Variants in SHPK observed in about 807,000 individuals in gnomAD.
SHPK encodes the protein sedoheptulokinase, also known as carbohydrate kinase-like protein.
SHPK carries 51 observed loss-of-function variants against 46.3 expected under a neutral mutation model. That is an observed-to-expected ratio of 1.10 (90% CI 0.88 to 1.39). The LOEUF (loss-of-function observed/expected upper bound fraction) is 1.39, where lower values mean the gene tolerates loss of function less well. SHPK is among the 40% of genes most tolerant of loss of function. SHPK has a pLI of 0.00. For synonymous variants in SHPK, 290 were observed against 273.9 expected, an observed-to-expected ratio of 1.06 and a Z score of -0.58; for missense variants, 668 against 641.3, an observed-to-expected ratio of 1.04 and a Z score of -0.45.
At chr17:3,615,615 G>T (rs1361363539) in intron 5 of SHPK, 78 bp from the exon 6 acceptor site, 9 of 1,322,096 alleles carry the variant, frequency 6.8e-6, no homozygotes, top group Non-Finnish European at 9.6e-6. Flanking sequence ...CAGTGAGAGG[G>T]GGTGGCCTGT....
At chr17:3,630,926 G>T (rs1481104775) in intron 1 of SHPK, among the ~76,000 whole-genome samples, 1 of 152,122 alleles carries the variant, frequency 6.6e-6, no homozygotes, top group Non-Finnish European at 1.5e-5. Context: ...GAGAATTGTG[G>T]CTCAGCTCTC....
chr17:3,615,529 T>A lies in SHPK; in HGVS notation c.832A>T (p.Ile278Phe). Residue 278 changes from isoleucine (I) to phenylalanine (F), a missense_variant, in exon 6 of 7, where the codon ATC (isoleucine) becomes TTC (phenylalanine). By Grantham distance (21) the Ile-to-Phe change is conservative. Coordinates refer to ENST00000225519, the MANE Select transcript of SHPK (RefSeq NM_013276.4). ...GCTGCCAGCTGAACCGAGGTGCTGA[T>A]GTTGAGAACTGGGGTCCGAAGAGAG... ...MAQRTDAVLN[I>F]STSVQLAASM... The A allele has an allele frequency of 1.2e-6, 2 of 1,614,120 alleles. No homozygotes were observed. Among genetic ancestry groups the A allele is most frequent in the Non-Finnish European group, 1.7e-6 (2 of 1,179,966 alleles).
chr17:3,622,703 T>TTTC (rs1237679289), intron 4 of SHPK: 1 of 387,242 alleles, frequency 2.6e-6, no homozygotes, highest in African/African-American at 3.6e-5. Context: ...CTAGTTCTTT[T>TTTC]TTCTTTTTTT....
intron 2 of SHPK, among the ~76,000 whole-genome samples, chr17:3,629,263 G>A (rs1025127886): frequency 9.2e-5 from 14 of 152,134 alleles, no homozygotes; most frequent in Admixed American, 6.6e-4. Flanking sequence ...AATATCCGAC[G>A]AGATCATGCA....
intron 6 of SHPK, among the ~76,000 whole-genome samples, chr17:3,611,658 A>G (rs2075340704): frequency 6.6e-6 from 1 of 152,110 alleles, no homozygotes; most frequent in South Asian, 2.1e-4. Flanking sequence ...CCAATCACTG[A>G]ATGGGCCACC....
chr17:3,624,292 C>T, intron 2 of SHPK, 61 bp from the exon 3 acceptor site: 2 of 1,467,212 alleles, frequency 1.4e-6, no homozygotes, highest in East Asian at 2.3e-5. Context: ...ATGGCGCGGC[C>T]TTGATACTAC....
At chr17:3,623,542 C>G (rs768133234) in intron 3 of SHPK, 51 bp from the exon 4 acceptor site, 15 of 1,586,228 alleles carry the variant, frequency 9.5e-6, no homozygotes, top group Admixed American at 1.7e-5. Context: ...AACTCGGAAG[C>G]ATGTGCCGCA....
rs2075397657 is a variant in SHPK at position 3,621,123 on chromosome 17, C to T, written c.823+114G>A. 3.4e-6 allele frequency: 3 copies of T among 870,266 alleles called. No homozygotes were observed. The Admixed American group carries it at 9.1e-5, about 26-fold the overall frequency. The allele number at this position is 870,266 out of a possible 1,614,324, so 53.9% of individuals were successfully genotyped here. ...TTTCATCTTTACAGAATAATGATCT[C>T]CAGCAGGATGCCAAGACTGCTAAGC... On this transcript the variant is annotated intron_variant, in intron 5 of 6. Transcript: ENST00000225519.
In SHPK at chr17:3,623,352, A is replaced by G; in HGVS notation, c.634T>C (p.Trp212Arg). The G allele has an allele frequency of 6.2e-7, 1 of 1,614,196 alleles. No individual in the cohort carries two copies. The highest frequency in any genetic ancestry group is 8.5e-7 in the Non-Finnish European group (1 of 1,180,026). ...WGYFNTQSQS[W>R]NVETLRSSGF... ...TGTGATACTCACGTCTCTACGTTCC[A>G]GCTTTGGCTCTGCGTGTTGAAATAG... The change falls in exon 4 of 7, where the codon TGG (tryptophan) becomes CGG (arginine). Residue 212 changes from tryptophan (W) to arginine (R), a missense_variant. Trp to Arg is a moderately radical substitution (Grantham distance 101). Transcript: ENST00000225519.
At chr17:3,622,432 G>T in intron 4 of SHPK, 3 of 272,324 alleles carry the variant, frequency 1.1e-5, no homozygotes, top group Non-Finnish European at 1.7e-5. Context: ...GGTGAGCACA[G>T]CCCAAACCAA....
intron 2 of SHPK, among the ~76,000 whole-genome samples, chr17:3,628,911 C>G (rs1039427701): frequency 9.2e-5 from 14 of 152,146 alleles, no homozygotes; most frequent in African/African-American, 3.4e-4. Flanking sequence ...CTCGGCCTCC[C>G]AAAGTGTTGG....
chr17:3,630,486 T>C, intron 1 of SHPK, 140 bp from the exon 2 acceptor site: 21 of 882,164 alleles, frequency 2.4e-5, no homozygotes, highest in Non-Finnish European at 3.4e-5. Context: ...CTGCTGCAGG[T>C]GAGTTGCAGC....
At position 3,610,854 on chromosome 17, in the gene SHPK, C is replaced by A. The variant is rs1567680398; in HGVS notation, c.1143G>T (p.Gln381His). ...TVLGERHLPD[Q>H]LASVTRISSS... ...AGGAGATTCTGGTCACTGAGGCCAG[C>A]TGGTCCGGCAGGTGCCTCTCCCCCA... Residue 381 changes from glutamine (Q) to histidine (H), a missense_variant, in exon 7 of 7, where the codon CAG (glutamine) becomes CAT (histidine). Transcript: ENST00000225519. 1 of 1,614,094 alleles carries A rather than the reference C, an allele frequency of 6.2e-7. No individual in the cohort carries two copies. The highest frequency in any genetic ancestry group is 1.3e-5 in the African/African-American group (1 of 75,056).
At chr17:3,625,094 T>C (rs998580446) in intron 2 of SHPK, among the ~76,000 whole-genome samples, 1 of 152,200 alleles carries the variant, frequency 6.6e-6, no homozygotes, top group African/African-American at 2.4e-5. Flanking sequence ...TCAGTGTCAG[T>C]CTTTCCAGGC....
intron 6 of SHPK, 36 bp from the exon 7 acceptor site, chr17:3,611,008 C>A: frequency 6.4e-7 from 1 of 1,557,684 alleles, no homozygotes; most frequent in South Asian, 1.2e-5. Context: ...TAAGCTCATG[C>A]GTCCCCCTCA....
Position 3,610,900 on chromosome 17 carries a change from A to C in SHPK, c.1097T>G (p.Leu366Arg). Residue 366 changes from leucine (L) to arginine (R), a missense_variant, in exon 7 of 7, where the codon CTG becomes CGG. By Grantham distance (102) the Leu-to-Arg change is moderately radical (BLOSUM62 -2). Coordinates refer to ENST00000225519, the MANE Select transcript of SHPK (RefSeq NM_013276.4). Reference sequence around the variant, plus strand: ...CCCCAGCACTGTCGGGGTGATGGTCAGGTGGGTATCTCTCTGCTGCACAGC... The same window carrying C: ...CCCCAGCACTGTCGGGGTGATGGTCCGGTGGGTATCTCTCTGCTGCACAGC... The part of the protein sequence containing the change: ...QAAVQQRDTH[L>R]TITPTVLGER... 6.2e-7 allele frequency: 1 copy of C among 1,614,014 alleles called. No homozygotes were observed. The highest frequency in any genetic ancestry group is 8.5e-7 in the Non-Finnish European group (1 of 1,179,994).
At chr17:3,621,080 T>G (rs942381966) in intron 5 of SHPK, among the ~76,000 whole-genome samples, 157 bp downstream of exon 5, 1 of 152,216 alleles carries the variant, frequency 6.6e-6, no homozygotes, top group Non-Finnish European at 1.5e-5. Context: ...GGATTTTACC[T>G]GCAAGGACAA....
intron 2 of SHPK, among the ~76,000 whole-genome samples, chr17:3,626,226 T>C (rs999636932): frequency 2.0e-5 from 3 of 152,212 alleles, no homozygotes; most frequent in Admixed American, 6.5e-5. Context: ...CACTAGAATA[T>C]ATCTAGCTGG....
intron 1 of SHPK, among the ~76,000 whole-genome samples, chr17:3,633,593 C>A (rs1057234137): frequency 6.6e-6 from 1 of 152,102 alleles, no homozygotes; most frequent in African/African-American, 2.4e-5. Flanking sequence ...TGACTGGCCT[C>A]CGCTAAGCAC....
Sources: gnomAD v4.1 joint callset for allele counts (sites outside exome capture counted in the v4.1 genomes callset) on GRCh38, gnomAD v4.1.1 for gene constraint, MANE v1.5 for transcripts, NCBI Gene and HGNC (gene_info 2026-07-23, HGNC 2026-07-21) for gene names.